Variants in GABRG1 observed in about 807,000 individuals in gnomAD.
The protein encoded by GABRG1 is gamma-aminobutyric acid type A receptor subunit gamma1.
GABRG1 carries 49 observed loss-of-function variants against 49.8 expected under a neutral mutation model. That is an observed-to-expected ratio of 0.98 (90% confidence interval 0.78 to 1.25). The LOEUF (loss-of-function observed/expected upper bound fraction) is 1.25, where lower values mean the gene tolerates loss of function less well. GABRG1 is among the 50% of genes most tolerant of loss of function. GABRG1 has a pLI of 0.00. For missense variants in GABRG1, 552 were observed against 552.3 expected, an observed-to-expected ratio of 1.00 and a Z score of 0.01; for synonymous variants, 232 against 185.1, an observed-to-expected ratio of 1.25 and a Z score of -2.06.
chr4:46,050,321 G>A (rs146194412), intron 8 of GABRG1, among the ~76,000 whole-genome samples: 4 of 151,840 alleles, frequency 2.6e-5, no homozygotes, highest in African/African-American at 9.6e-5. Flanking sequence ...AAATACACCA[G>A]GTTTTTCTCT....
chr4:46,117,980 A>T (rs1348240161), intron 1 of GABRG1, among the ~76,000 whole-genome samples: 1 of 89,342 alleles, frequency 1.1e-5, no homozygotes, highest in African/African-American at 6.0e-5. Context: ...ATATGTATAC[A>T]TGTGTATCTA....
chr4:46,067,398 T>C (rs1014771410), intron 3 of GABRG1, among the ~76,000 whole-genome samples: 1 of 152,166 alleles, frequency 6.6e-6, no homozygotes, highest in Non-Finnish European at 1.5e-5. Flanking sequence ...TTAAAATATA[T>C]ACACTTATAA....
chr4:46,096,966 G>T (rs1228734548), intron 2 of GABRG1, among the ~76,000 whole-genome samples: 1 of 151,544 alleles, frequency 6.6e-6, no homozygotes, highest in Non-Finnish European at 1.5e-5. Flanking sequence ...TCAAAACTCG[G>T]TCAGATATTG....
chr4:46,105,074 T>A (rs1346896188), intron 1 of GABRG1, among the ~76,000 whole-genome samples: 1 of 151,336 alleles, frequency 6.6e-6, no homozygotes, highest in Non-Finnish European at 1.5e-5. Context: ...CAACCAAAAG[T>A]AGCAAGGAGA....
rs575882395 is a variant in GABRG1 at position 46,123,574 on chromosome 4, T to C, written c.104+236A>G. Among the ~76,000 whole-genome samples, 6 of 152,262 alleles carry C rather than the reference T, an allele frequency of 3.9e-5. No homozygotes were observed. In the South Asian group the frequency reaches 1.2e-3, roughly 32 times the overall value. On this transcript the variant is annotated intron_variant, in intron 1 of 8. Coordinates refer to ENST00000295452, the MANE Select transcript of GABRG1 (RefSeq NM_173536.4). ...TCATTAGTTCACTAGTTCACTAGTTTATACTCTGCTTGAAGTCAAAAACAA... is the reference window on the plus strand; with the variant it reads ...TCATTAGTTCACTAGTTCACTAGTTCATACTCTGCTTGAAGTCAAAAACAA...
In GABRG1 at chr4:46,058,519, T is replaced by C; in HGVS notation, c.729A>G (p.Leu243=). ...WRLYQFAFVG[L]RNSTEITHTI... ...TGTGAGTGATTTCAGTTGAGTTCCGTAACCCTACAAATGCAAACTGATATA... is the reference window on the plus strand; with the variant it reads ...TGTGAGTGATTTCAGTTGAGTTCCGCAACCCTACAAATGCAAACTGATATA... Residue 243 remains leucine (L), a synonymous_variant, in exon 6 of 9, where the codon TTA becomes TTG. Coordinates refer to ENST00000295452, the MANE Select transcript of GABRG1 (RefSeq NM_173536.4). 4 of 1,613,330 alleles carry C rather than the reference T, an allele frequency of 2.5e-6. No homozygotes were observed. Among genetic ancestry groups the C allele is most frequent in the Non-Finnish European group, 3.4e-6 (4 of 1,179,570 alleles).
chr4:46,056,146 T>TAA (rs1289028817), intron 7 of GABRG1, among the ~76,000 whole-genome samples: 1 of 5,662 alleles, frequency 1.8e-4, no homozygotes, highest in Admixed American at 2.9e-3. Flanking sequence ...AATAAATAAA[T>TAA]AAATTAAAAA....
At chr4:46,041,935 C>G (rs1717801782) in intron 8 of GABRG1, among the ~76,000 whole-genome samples, 1 of 151,932 alleles carries the variant, frequency 6.6e-6, no homozygotes, top group South Asian at 2.1e-4. Flanking sequence ...CTCCATCATG[C>G]TCAGTAATAA....
At position 46,118,132 on chromosome 4, in the gene GABRG1, G is replaced by GTGTATATATATATA. The variant is rs377481920; in HGVS notation, c.104+5677_104+5678insTATATATATATACA. Among the ~76,000 whole-genome samples the GTGTATATATATATA allele has an allele frequency of 3.5e-3, 386 of 109,958 alleles. 44 individuals carry two copies. Among genetic ancestry groups the GTGTATATATATATA allele is most frequent in the African/African-American group, 0.014 (248 of 17,894 alleles). The allele number at this position is 109,958 out of a possible 152,430, so 72.1% of individuals were successfully genotyped here. On this transcript the variant is annotated intron_variant, in intron 1 of 8. Coordinates refer to ENST00000295452, the MANE Select transcript of GABRG1 (RefSeq NM_173536.4). ...TATATACATATATACGTGTGTGTGT[G>GTGTATATATATATA]TATATATATATATACAGCTACAGTA...
chr4:46,052,512 TC>T (rs1215651091), intron 7 of GABRG1, among the ~76,000 whole-genome samples: 1 of 151,900 alleles, frequency 6.6e-6, no homozygotes, highest in Non-Finnish European at 1.5e-5. Context: ...ACCTGGGATG[TC>T]CCCAAGGGTC....
intron 3 of GABRG1, among the ~76,000 whole-genome samples, chr4:46,081,582 G>T (rs1254334574): frequency 6.6e-6 from 1 of 151,608 alleles, no homozygotes; most frequent in African/African-American, 2.4e-5. Context: ...GCTATAAAGT[G>T]GTAAAGCCTG....
intron 8 of GABRG1, among the ~76,000 whole-genome samples, chr4:46,048,922 G>T (rs1048761641): frequency 2.0e-5 from 3 of 151,828 alleles, no homozygotes; most frequent in African/African-American, 7.2e-5. Flanking sequence ...GAGATTCTCA[G>T]TTAAGCAGTC....
rs1441867447 is a variant in GABRG1, at chr4:46,039,116, ATT to A, written c.*1870_*1871del. 1 of 151,690 alleles carries A rather than the reference ATT, an allele frequency of 6.6e-6. No homozygotes were observed. Among genetic ancestry groups the A allele is most frequent in the South Asian group, 2.1e-4 (1 of 4,828 alleles). The allele number at this position is 151,690 out of a possible 1,614,324, so 9.4% of individuals were successfully genotyped here. A position where few individuals can be genotyped will look rare whatever the true frequency, so the allele number is the denominator to read the frequency against. ...GTATTTTATTCTTTATTACTACTTT[ATT>A]TTTTATTTATCCTTAAATGAATGCT... On this transcript the variant is annotated 3_prime_UTR_variant, in exon 9 of 9. Transcript: ENST00000295452.
intron 2 of GABRG1, among the ~76,000 whole-genome samples, chr4:46,086,860 A>G (rs946552165): frequency 4.6e-5 from 7 of 151,688 alleles, no homozygotes; most frequent in African/African-American, 1.4e-4. Flanking sequence ...TCAAATTTCT[A>G]TGAATATTTT....
chr4:46,042,297 C>A (rs141311245), intron 8 of GABRG1, among the ~76,000 whole-genome samples: 2 of 151,956 alleles, frequency 1.3e-5, no homozygotes, highest in African/African-American at 4.8e-5. Flanking sequence ...ATAGCAACAA[C>A]AACAAAGTCC....
intron 8 of GABRG1, among the ~76,000 whole-genome samples, chr4:46,044,828 T>C (rs1717927371): frequency 6.6e-6 from 1 of 152,102 alleles, no homozygotes; most frequent in Non-Finnish European, 1.5e-5. Flanking sequence ...CATTCACTCA[T>C]CTCTAAACTC....
intron 1 of GABRG1, among the ~76,000 whole-genome samples, chr4:46,103,637 C>T (rs1343588600): frequency 6.6e-6 from 1 of 151,174 alleles, no homozygotes; most frequent in Non-Finnish European, 1.5e-5. Flanking sequence ...CAAATTTTTG[C>T]CTGTTATAAT....
intron 2 of GABRG1, among the ~76,000 whole-genome samples, chr4:46,088,393 C>T (rs556268496): frequency 6.6e-6 from 1 of 152,056 alleles, no homozygotes; most frequent in South Asian, 2.1e-4. Context: ...CAAAATATTT[C>T]TGTGTTTGCT....
Position 46,039,524 on chromosome 4 carries a change from G to T in GABRG1, c.*1464C>A, listed in dbSNP as rs909593887. 6.6e-6 allele frequency: 1 copy of T among 151,554 alleles called. No individual in the cohort carries two copies. 9.4% of individuals were successfully genotyped at this position (151,554 alleles called of 1,614,324 possible). ...TCCTCTCAAACCTTAAGTAAGATAG[G>T]CTGTGATCATAAAACTCTTCATCAT... is the stretch of plus-strand genomic sequence containing the variant. On this transcript the variant is annotated 3_prime_UTR_variant, in exon 9 of 9. Transcript: ENST00000295452.
Sources: allele counts gnomAD v4.1 joint callset (sites outside exome capture counted in the v4.1 genomes callset), GRCh38; gene constraint gnomAD v4.1.1; transcripts MANE v1.5; gene names NCBI Gene and HGNC (gene_info 2026-07-23, HGNC 2026-07-21).